PCDHA2: variants seen among roughly 807,000 people sequenced by gnomAD.
PCDHA2 encodes the protein protocadherin alpha-2.
PCDHA2 carries 58 observed loss-of-function variants against 66.0 expected under a neutral mutation model. The ratio of observed to expected loss-of-function variants is 0.88; its 90% CI spans 0.71 to 1.09. The LOEUF (loss-of-function observed/expected upper bound fraction) is 1.09, where lower values mean the gene tolerates loss of function less well. PCDHA2 is among the 50% of genes least tolerant of loss of function. The probability of loss-of-function intolerance (pLI) is 0.00; values close to 1 mark genes in which losing one functional copy is unlikely to be tolerated. For synonymous variants in PCDHA2, 634 were observed against 554.0 expected, an observed-to-expected ratio of 1.14 and a Z score of -2.03; for missense variants, 1,267 against 1,242.3, an observed-to-expected ratio of 1.02 and a Z score of -0.30.
intron 1 of PCDHA2, chr5:140,850,651 C>T (rs2150492277): frequency 1.9e-6 from 3 of 1,598,626 alleles, no homozygotes; most frequent in Admixed American, 1.7e-5. Flanking sequence ...CTGCTGTACA[C>T]TGTGCTGCGG....
At chr5:140,986,940 G>A (rs1371744170) in intron 3 of PCDHA2, among the ~76,000 whole-genome samples, 1 of 152,280 alleles carries the variant, frequency 6.6e-6, no homozygotes, top group South Asian at 2.1e-4. Flanking sequence ...GAGGCTGGGT[G>A]TGGTCGCTCA....
At chr5:140,959,317 A>G (rs1424960169) in intron 1 of PCDHA2, among the ~76,000 whole-genome samples, 3 of 152,078 alleles carry the variant, frequency 2.0e-5, no homozygotes, top group Non-Finnish European at 4.4e-5. Flanking sequence ...TGAAGCTGCA[A>G]TAAGTTTTGA....
rs1563652468 is a variant in PCDHA2 at position 141,000,419 on chromosome 5, A to AT, written c.2537-9207dup. The stretch of plus-strand genomic sequence containing the variant: ...TCTATATATATATATATATATATAT[A>AT]TATTTTTTTTTTTTTTTTTTTTTTT... On this transcript the variant is annotated intron_variant, in intron 3 of 3. Transcript: ENST00000526136. 4.4e-3 allele frequency among the ~76,000 whole-genome samples: 271 copies of AT among 60,978 alleles called. 1 individual carries two copies. The highest frequency in any genetic ancestry group is 5.9e-3 in the Non-Finnish European group (210 of 35,644). The allele number at this position is 60,978 out of a possible 152,430, so 40.0% of individuals were successfully genotyped here.
At chr5:140,972,334 A>G (rs2153793460) in intron 1 of PCDHA2, among the ~76,000 whole-genome samples, 1 of 151,024 alleles carries the variant, frequency 6.6e-6, no homozygotes, top group Admixed American at 6.6e-5. Flanking sequence ...TTTTTGGAAG[A>G]GATGGGGGTC....
chr5:140,875,810 C>T, intron 1 of PCDHA2: 1 of 1,614,106 alleles, frequency 6.2e-7, no homozygotes, highest in Non-Finnish European at 8.5e-7. Context: ...GTGGACAGGC[C>T]GCTGCAGGTT....
chr5:140,802,676 G>A lies in PCDHA2; in HGVS notation c.2388+5324G>A, dbSNP rs541522479. 5 of 1,613,378 alleles carry A rather than the reference G, an allele frequency of 3.1e-6. No homozygotes were observed. In the African/African-American group the frequency reaches 6.7e-5, roughly 21 times the overall value. The stretch of plus-strand genomic sequence containing the variant: ...AGGAGAACGCCCTGGTGTCCTACTC[G>A]CTGGTGGAACGGCGGGTGGGGGAGC... On this transcript the variant is annotated intron_variant, in intron 1 of 3. Transcript: ENST00000526136.
intron 1 of PCDHA2, chr5:140,841,176 A>C (rs1194944312): frequency 9.2e-6 from 10 of 1,081,656 alleles, no homozygotes; most frequent in East Asian, 2.6e-5. Flanking sequence ...TGGTTGGTCA[A>C]TGTTCAAAGT....
intron 1 of PCDHA2, chr5:140,967,992 C>T: frequency 1.2e-6 from 2 of 1,614,250 alleles, no homozygotes; most frequent in Non-Finnish European, 1.7e-6. Flanking sequence ...GCCACACTGC[C>T]TTTCCGACTG....
intron 1 of PCDHA2, chr5:140,851,289 A>G (rs987859417): frequency 9.6e-7 from 1 of 1,037,038 alleles, no homozygotes; most frequent in South Asian, 4.4e-5. Flanking sequence ...AAGAAACCCA[A>G]GCAAAAATAT....
chr5:140,801,587 G>A (rs782170859), intron 1 of PCDHA2: 8 of 1,614,092 alleles, frequency 5.0e-6, no homozygotes, highest in East Asian at 2.2e-5. Flanking sequence ...ATGACAACGC[G>A]CCAGTTTTTC....
intron 2 of PCDHA2, among the ~76,000 whole-genome samples, chr5:140,980,712 T>G (rs4404731): frequency 0.013 from 1,940 of 152,272 alleles, 50 homozygotes; most frequent in African/African-American, 0.045. Context: ...GTGCTCCTAT[T>G]CGGGTTTCAA....
intron 1 of PCDHA2, chr5:140,828,109 G>C: frequency 1.2e-6 from 2 of 1,611,506 alleles, no homozygotes; most frequent in East Asian, 4.5e-5. Flanking sequence ...TTACCCCGGA[G>C]GATAGATTGG....
chr5:140,884,609 G>C (rs1554181782), intron 1 of PCDHA2: 4 of 1,614,138 alleles, frequency 2.5e-6, no homozygotes, highest in African/African-American at 1.3e-5. Flanking sequence ...TCCTTGTCTG[G>C]GTTCTGCAGA....
chr5:140,934,235 A>G (rs1202721010), intron 1 of PCDHA2, among the ~76,000 whole-genome samples: 1 of 152,048 alleles, frequency 6.6e-6, no homozygotes, highest in Non-Finnish European at 1.5e-5. Flanking sequence ...TTTGTACTTA[A>G]TTGTGGAGAT....
intron 1 of PCDHA2, among the ~76,000 whole-genome samples, chr5:140,945,918 C>T (rs782600130): frequency 1.2e-4 from 18 of 152,106 alleles, no homozygotes; most frequent in Admixed American, 2.6e-4. Context: ...ATCAATAACA[C>T]TGATCTGAGC....
At chr5:140,860,381 A>C (rs550712376) in intron 1 of PCDHA2, 4 of 152,246 alleles carry the variant, frequency 2.6e-5, no homozygotes, top group African/African-American at 9.6e-5. Context: ...ACCCTATTTC[A>C]AAAATTGAAA....
At chr5:140,916,264 A>G (rs1455161672) in intron 1 of PCDHA2, among the ~76,000 whole-genome samples, 1 of 152,200 alleles carries the variant, frequency 6.6e-6, no homozygotes, top group East Asian at 1.9e-4. Flanking sequence ...CCCCAAGAGC[A>G]TGCTTGTTGC....
At chr5:140,972,228 C>G (rs1295473743) in intron 1 of PCDHA2, among the ~76,000 whole-genome samples, 1 of 151,964 alleles carries the variant, frequency 6.6e-6, no homozygotes, top group Admixed American at 6.5e-5. Flanking sequence ...CAGCCTCGAC[C>G]TTCTGGGCTC....
intron 1 of PCDHA2, chr5:140,877,158 G>A (rs781901798): frequency 1.2e-6 from 2 of 1,613,808 alleles, no homozygotes; most frequent in Admixed American, 3.3e-5. Context: ...ACGACAACGC[G>A]CCGGCACTGC....
Sources: gnomAD v4.1 joint callset for allele counts (sites outside exome capture counted in the v4.1 genomes callset) on GRCh38, gnomAD v4.1.1 for gene constraint, MANE v1.5 for transcripts, NCBI Gene and HGNC (gene_info 2026-07-23, HGNC 2026-07-21) for gene names.